The following PWWP4 variants were observed in gnomAD, a reference collection of about 807,000 sequenced individuals.
PWWP4 encodes the protein putative PWWP domain-containing DNA repair factor 4.
upstream of PWWP4, among the ~76,000 whole-genome samples, chrX:153,271,048 C>T: frequency 9.0e-6 from 1 of 110,642 alleles, no homozygotes. Context: ...AGCACAGGTC[C>T]ATACTAGCAC....
At position 153,275,984 on chromosome X, in the gene PWWP4, CT is replaced by C. The variant is rs1460862446; in HGVS notation, c.4368del (p.Gln1457ArgfsTer137). On this transcript the variant is annotated frameshift_variant, in exon 1 of 1. Coordinates refer to ENST00000458091, the Ensembl canonical transcript of PWWP4. LOFTEE classifies it high-confidence loss of function. ...CTAGGCGCCCTGCACCGTGTCGGCT[CT>C]CAGGCACACAAGGCTATTGCTTCTA... Among the ~76,000 whole-genome samples, 1 of 79,513 alleles carries C rather than the reference CT, an allele frequency of 1.3e-5. No homozygotes were observed. The highest frequency in any genetic ancestry group is 5.4e-5 in the African/African-American group (1 of 18,368). 69.0% of individuals were successfully genotyped at this position (79,513 alleles called of 115,157 possible). A position where few individuals can be genotyped will look rare whatever the true frequency, so the allele number is the denominator to read the frequency against.
At chrX:153,272,491 G>A (rs1406808697) in exon 1 of PWWP4, among the ~76,000 whole-genome samples, 226 of 108,118 alleles carry the variant, frequency 2.1e-3, no homozygotes, top group African/African-American at 7.5e-3. Context: ...TACCTTAGGC[G>A]CCAGGCGCGG....
chrX:153,271,779 C>T lies in PWWP4; in HGVS notation c.162C>T (p.Asp54=), dbSNP rs1175595344. The change falls in exon 1 of 1, where the codon GAC becomes GAT. Residue 54 remains aspartate (D), a synonymous_variant. Transcript: ENST00000458091. ...AAAAAATCAAGGTGAAAAGCACAGA[C>T]GTGAAGACCCCAACTAAGTTTGAGA... is the stretch of plus-strand genomic sequence containing the variant. 4.8e-3 allele frequency among the ~76,000 whole-genome samples: 367 copies of T among 77,220 alleles called. 5 individuals are homozygous for T. The highest frequency in any genetic ancestry group is 0.024 in the South Asian group (34 of 1,421). 67.1% of individuals were successfully genotyped at this position (77,220 alleles called of 115,157 possible).
chrX:153,268,498 GCCTA>G (rs1216805283), upstream of PWWP4, among the ~76,000 whole-genome samples: 2 of 63,888 alleles, frequency 3.1e-5, no homozygotes, highest in Non-Finnish European at 5.4e-5. Flanking sequence ...CCATCTACCT[GCCTA>G]CCTACCTACC....
chrX:153,272,749 C>T (rs1333283232), exon 1 of PWWP4, among the ~76,000 whole-genome samples: 2 of 113,404 alleles, frequency 1.8e-5, no homozygotes, highest in Admixed American at 9.2e-5. Flanking sequence ...GGCCGTTGTC[C>T]GTACTCCAGG....
exon 1 of PWWP4, among the ~76,000 whole-genome samples, chrX:153,272,833 T>A (rs782381842): frequency 4.4e-3 from 504 of 113,541 alleles, no homozygotes; most frequent in African/African-American, 0.015. Context: ...GGGAAACAGG[T>A]CATCTGTGTC....
upstream of PWWP4, among the ~76,000 whole-genome samples, chrX:153,271,097 G>A (rs1480320579): frequency 2.5e-4 from 28 of 114,026 alleles, no homozygotes; most frequent in African/African-American, 5.4e-4. Context: ...CCAGGTTTCC[G>A]CCCAAGGAGC....
upstream of PWWP4, among the ~76,000 whole-genome samples, chrX:153,270,159 C>T (rs1360453216): frequency 9.3e-6 from 1 of 108,026 alleles, no homozygotes; most frequent in Admixed American, 1.0e-4. Flanking sequence ...TTATCAATCT[C>T]GTTGAGCACA....
At chrX:153,270,232 G>GAGAGGAGA (rs1189427779), upstream of PWWP4, among the ~76,000 whole-genome samples, 1 of 105,006 alleles carries the variant, frequency 9.5e-6, no homozygotes, top group Non-Finnish European at 1.9e-5. Context: ...GAGAGAGAGA[G>GAGAGGAGA]GAGAGAGAGA....
upstream of PWWP4, among the ~76,000 whole-genome samples, chrX:153,270,212 C>G (rs1394892658): frequency 0.01 from 1,013 of 99,831 alleles, 33 homozygotes; most frequent in African/African-American, 0.034. Context: ...CACACACACA[C>G]AGAGAGAGAG....
chrX:153,271,882 A>G (rs1336372248), exon 1 of PWWP4, among the ~76,000 whole-genome samples: 2 of 59,644 alleles, frequency 3.4e-5, no homozygotes, highest in Non-Finnish European at 5.9e-5. Flanking sequence ...GTACAGAGGA[A>G]CCCTTCGGGT....
chrX:153,269,171 G>A (rs2051798780), upstream of PWWP4, among the ~76,000 whole-genome samples: 1 of 54,139 alleles, frequency 1.8e-5, no homozygotes, highest in African/African-American at 8.0e-5. Context: ...GTGTGTGTGT[G>A]TGTGTGTGTG....
chrX:153,271,357 G>A (rs1403469123), upstream of PWWP4, among the ~76,000 whole-genome samples: 32 of 108,657 alleles, frequency 2.9e-4, no homozygotes, highest in East Asian at 9.4e-3. Flanking sequence ...CGCGTTTCAC[G>A]AAAGGATGCT....
At position 153,273,442 on chromosome X, in the gene PWWP4, G is replaced by A. The variant is rs188543020; in HGVS notation, c.1825G>A (p.Gly609Ser). 5.7e-3 allele frequency among the ~76,000 whole-genome samples: 613 copies of A among 108,493 alleles called. 1 individual carries two copies. Among genetic ancestry groups the A allele is most frequent in the African/African-American group, 0.019 (576 of 29,989 alleles). The allele number at this position is 108,493 out of a possible 115,157, so 94.2% of individuals were successfully genotyped here. A position where few individuals can be genotyped will look rare whatever the true frequency, so the allele number is the denominator to read the frequency against. Residue 609 changes from glycine to serine, a missense_variant, in exon 1 of 1, where the codon GGC becomes AGC. By Grantham distance (56) the Gly-to-Ser change is moderately conservative (BLOSUM62 0). Transcript: ENST00000458091. ...CGAGATATGGTCACGGGTGGGCATA[G>A]GCATTGCCCCTATTGCAGATGCCCT...
the PWWP4 span, among the ~76,000 whole-genome samples, chrX:153,266,465 ATG>A: frequency 1.7e-5 from 1 of 59,576 alleles, no homozygotes; most frequent in African/African-American, 7.1e-5. Context: ...GCGTGTTTGT[ATG>A]TGAGGATGTG....
chrX:153,270,233 G>GAGC, upstream of PWWP4, among the ~76,000 whole-genome samples: 3 of 97,412 alleles, frequency 3.1e-5, no homozygotes, highest in Admixed American at 1.1e-4. Flanking sequence ...AGAGAGAGAG[G>GAGC]AGAGAGAGAG....
At chrX:153,276,216 G>A (rs1295975138) in exon 1 of PWWP4, among the ~76,000 whole-genome samples, 2 of 97,277 alleles carry the variant, frequency 2.1e-5, no homozygotes, top group African/African-American at 3.9e-5. Context: ...AGACACATAC[G>A]GCCATCGATC....
chrX:153,270,239 G>T (rs2051802458), upstream of PWWP4, among the ~76,000 whole-genome samples: 1 of 107,595 alleles, frequency 9.3e-6, no homozygotes, highest in Non-Finnish European at 1.9e-5. Context: ...AGAGGAGAGA[G>T]AGAGAGAGAG....
chrX:153,276,652 G>A (rs1438987479), exon 1 of PWWP4, among the ~76,000 whole-genome samples: 1 of 54,325 alleles, frequency 1.8e-5, no homozygotes, highest in Non-Finnish European at 3.8e-5. Flanking sequence ...AGGCTGGGCA[G>A]GTATGGCTGC....
Sources: gnomAD v4.1 joint callset for allele counts (sites outside exome capture counted in the v4.1 genomes callset) on GRCh38, gnomAD v4.1.1 for gene constraint, MANE v1.5 for transcripts, NCBI Gene and HGNC (gene_info 2026-07-23, HGNC 2026-07-21) for gene names.